The following RSU1 variants were observed in gnomAD, a reference collection of about 807,000 sequenced individuals.
RSU1 encodes the protein Ras suppressor protein 1.
In RSU1, 26 loss-of-function variants were observed where a neutral mutation model predicts 31.1. The observed-to-expected ratio is 0.84, with a 90% CI of 0.61 to 1.16. The LOEUF (loss-of-function observed/expected upper bound fraction) is 1.16, where lower values mean the gene tolerates loss of function less well. Ranked by LOEUF, RSU1 falls within the 50% of genes most tolerant of loss-of-function variation. The probability of loss-of-function intolerance (pLI) is 0.00; values close to 1 mark genes in which losing one functional copy is unlikely to be tolerated. For missense variants in RSU1, 320 were observed against 339.1 expected, an observed-to-expected ratio of 0.94 and a Z score of 0.44; for synonymous variants, 164 against 136.3, an observed-to-expected ratio of 1.20 and a Z score of -1.41.
At chr10:16,759,422 A>G (rs1224469056) in intron 4 of RSU1, among the ~76,000 whole-genome samples, 2 of 152,234 alleles carry the variant, frequency 1.3e-5, no homozygotes, top group East Asian at 3.9e-4. Flanking sequence ...TGGGAGGATC[A>G]TTTGAGCCCA....
intron 2 of RSU1, among the ~76,000 whole-genome samples, chr10:16,797,863 T>C (rs796265928): frequency 0.18 from 25,620 of 141,908 alleles, 2,482 homozygotes; most frequent in Middle Eastern, 0.21. Context: ...CTTCTTTTTT[T>C]TTTTTTTTTT....
chr10:16,707,333 T>C (rs1904299), intron 7 of RSU1, among the ~76,000 whole-genome samples: 115,545 of 152,096 alleles, frequency 0.76, 44,844 homozygotes, highest in African/African-American at 0.92. Flanking sequence ...TCCATAATGG[T>C]TAATTTACAA....
chr10:16,670,874 C>T (rs1835093109), intron 8 of RSU1, among the ~76,000 whole-genome samples: 2 of 152,268 alleles, frequency 1.3e-5, no homozygotes, highest in Non-Finnish European at 2.9e-5. Flanking sequence ...AAGTGATTCT[C>T]CTGCTCCAGC....
chr10:16,760,749 C>A (rs543219959), intron 4 of RSU1, among the ~76,000 whole-genome samples: 25 of 152,196 alleles, frequency 1.6e-4, no homozygotes, highest in African/African-American at 6.0e-4. Flanking sequence ...AAATCCCCCC[C>A]ACCTCCACTG....
intron 7 of RSU1, among the ~76,000 whole-genome samples, chr10:16,734,123 T>G (rs780611209): frequency 6.6e-6 from 1 of 152,240 alleles, no homozygotes; most frequent in Non-Finnish European, 1.5e-5. Context: ...TATAACTGAC[T>G]GCAACACTGT....
chr10:16,597,088 C>T (rs568794598), intron 8 of RSU1, among the ~76,000 whole-genome samples: 1 of 152,126 alleles, frequency 6.6e-6, no homozygotes, highest in Non-Finnish European at 1.5e-5. Context: ...CCTAGCAATA[C>T]CCGAGTGTAA....
At chr10:16,701,385 C>T (rs1278131269) in intron 7 of RSU1, among the ~76,000 whole-genome samples, 2 of 152,176 alleles carry the variant, frequency 1.3e-5, no homozygotes, top group Non-Finnish European at 2.9e-5. Flanking sequence ...TCTTTCTGTA[C>T]ATCATCAACG....
intron 8 of RSU1, among the ~76,000 whole-genome samples, chr10:16,656,106 G>C (rs190096197): frequency 7.1e-4 from 108 of 152,120 alleles, no homozygotes; most frequent in Non-Finnish European, 1.1e-3. Flanking sequence ...AATAAATTAG[G>C]TTGCACATAA....
chr10:16,638,629 C>T (rs1834388565), intron 8 of RSU1, among the ~76,000 whole-genome samples: 1 of 152,036 alleles, frequency 6.6e-6, no homozygotes, highest in Admixed American at 6.6e-5. Context: ...TAATGGATGC[C>T]CAGAGGCTAG....
intron 7 of RSU1, among the ~76,000 whole-genome samples, chr10:16,703,790 T>C (rs1046105092): frequency 5.3e-5 from 8 of 152,220 alleles, no homozygotes; most frequent in Admixed American, 4.6e-4. Flanking sequence ...TAAGTGTATA[T>C]GCATATGAAC....
intron 8 of RSU1, among the ~76,000 whole-genome samples, chr10:16,678,301 A>G (rs1297803575): frequency 1.3e-5 from 2 of 152,230 alleles, no homozygotes; most frequent in African/African-American, 4.8e-5. Context: ...TTCTTCCAAG[A>G]ACATAGGAAA....
intron 5 of RSU1, among the ~76,000 whole-genome samples, chr10:16,753,451 C>T (rs1837020094): frequency 6.6e-6 from 1 of 152,282 alleles, no homozygotes; most frequent in African/African-American, 2.4e-5. Context: ...ATGTAAATAG[C>T]ACTGTGTTAC....
intron 7 of RSU1, among the ~76,000 whole-genome samples, chr10:16,734,662 G>T (rs1188521594): frequency 6.6e-6 from 1 of 152,144 alleles, no homozygotes; most frequent in Admixed American, 6.5e-5. Flanking sequence ...TAATGAAAAA[G>T]AATGATGACA....
At chr10:16,697,750 A>C (rs189484742) in intron 7 of RSU1, among the ~76,000 whole-genome samples, 1 of 152,224 alleles carries the variant, frequency 6.6e-6, no homozygotes, top group East Asian at 1.9e-4. Flanking sequence ...TAAACTACAT[A>C]TTTATGGAAT....
chr10:16,746,700 T>G (rs1391960852), intron 7 of RSU1, among the ~76,000 whole-genome samples: 2 of 147,396 alleles, frequency 1.4e-5, no homozygotes, highest in East Asian at 4.0e-4. Flanking sequence ...CTGGGGCTGT[T>G]GACCTATTCT....
At chr10:16,788,706 T>A (rs1257221492) in intron 2 of RSU1, among the ~76,000 whole-genome samples, 1 of 152,150 alleles carries the variant, frequency 6.6e-6, no homozygotes, top group East Asian at 1.9e-4. Flanking sequence ...AGCCATCACA[T>A]CTACATTCCT....
At chr10:16,607,205 C>T (rs1292355050) in intron 8 of RSU1, among the ~76,000 whole-genome samples, 1 of 152,126 alleles carries the variant, frequency 6.6e-6, no homozygotes, top group Non-Finnish European at 1.5e-5. Context: ...GCCATGTGTG[C>T]CTGCCTCCTT....
intron 7 of RSU1, among the ~76,000 whole-genome samples, chr10:16,744,830 C>G (rs1767657162): frequency 6.6e-6 from 1 of 152,180 alleles, no homozygotes; most frequent in Non-Finnish European, 1.5e-5. Flanking sequence ...TTTGTCCACC[C>G]TGAGTACTGG....
intron 8 of RSU1, among the ~76,000 whole-genome samples, chr10:16,644,113 G>T (rs1161265696): frequency 6.6e-6 from 1 of 151,466 alleles, no homozygotes; most frequent in Non-Finnish European, 1.5e-5. Flanking sequence ...GGTGGGGGGG[G>T]GTCCTAGAAC....
Sources: gnomAD v4.1 joint callset for allele counts (sites outside exome capture counted in the v4.1 genomes callset) on GRCh38, gnomAD v4.1.1 for gene constraint, MANE v1.5 for transcripts, NCBI Gene and HGNC (gene_info 2026-07-23, HGNC 2026-07-21) for gene names.